Variants in TNKS observed in about 807,000 individuals in gnomAD.
TNKS encodes the protein poly [ADP-ribose] polymerase tankyrase-1.
In TNKS, 72 loss-of-function variants were observed where a neutral mutation model predicts 135.8. The observed-to-expected ratio is 0.53, with a 90% CI of 0.44 to 0.64. The LOEUF is 0.64. Among genes scored for constraint, TNKS ranks in the 30% least tolerant of loss-of-function variants. The probability of loss-of-function intolerance (pLI) is 0.00; values close to 1 mark genes in which losing one functional copy is unlikely to be tolerated. For missense variants in TNKS, 1,769 were observed against 1,674.0 expected (o/e 1.06, Z -0.99); for synonymous variants, 849 against 649.3 (o/e 1.31, Z -4.68).
At chr8:9,586,599 A>T (rs1798385602) in intron 2 of TNKS, among the ~76,000 whole-genome samples, 1 of 152,194 alleles carries the variant, frequency 6.6e-6, no homozygotes, top group African/African-American at 2.4e-5. Context: ...ACTCAGATTC[A>T]TTCAGTCAAA....
intron 2 of TNKS, among the ~76,000 whole-genome samples, chr8:9,581,040 TGAGTG>T (rs1281638203): frequency 1.3e-5 from 2 of 152,202 alleles, no homozygotes; most frequent in Non-Finnish European, 2.9e-5. Flanking sequence ...TAATTTCTCT[TGAGTG>T]TATCATCTGT....
intron 3 of TNKS, among the ~76,000 whole-genome samples, chr8:9,649,434 C>T (rs1478023967): frequency 6.6e-6 from 1 of 152,174 alleles, no homozygotes; most frequent in Non-Finnish European, 1.5e-5. Context: ...AAGTAAGTTA[C>T]ACTGAAGAAG....
intron 3 of TNKS, among the ~76,000 whole-genome samples, chr8:9,657,535 C>T (rs1412695430): frequency 4.3e-5 from 3 of 70,062 alleles, no homozygotes; most frequent in African/African-American, 1.2e-4. Flanking sequence ...CTCCTCACTT[C>T]CCAGTAGGGG....
chr8:9,729,695 T>G (rs1003581351), intron 13 of TNKS, among the ~76,000 whole-genome samples: 1 of 151,862 alleles, frequency 6.6e-6, no homozygotes, highest in African/African-American at 2.4e-5. Flanking sequence ...ATTTATAAAT[T>G]AATCTCCATC....
intron 21 of TNKS, among the ~76,000 whole-genome samples, chr8:9,762,921 G>C (rs962003276): frequency 3.5e-5 from 5 of 144,422 alleles, no homozygotes; most frequent in Non-Finnish European, 7.6e-5. Flanking sequence ...AAAAAAAAAA[G>C]AACAGATAAA....
intron 19 of TNKS, 79 bp from the exon 20 acceptor site, chr8:9,752,465 T>A: frequency 9.9e-7 from 1 of 1,005,656 alleles, no homozygotes. Flanking sequence ...GTTGTCAGAG[T>A]CATGTCTAAA....
chr8:9,721,298 T>TTATATATATATATATATAGA (rs60138689), intron 12 of TNKS, among the ~76,000 whole-genome samples: 1 of 118,154 alleles, frequency 8.5e-6, no homozygotes, highest in African/African-American at 2.9e-5. Flanking sequence ...AATAAATAAA[T>TTATATATATATATATATAGA]TATATATATA....
intron 1 of TNKS, among the ~76,000 whole-genome samples, chr8:9,572,567 A>G (rs1192566161): frequency 6.6e-6 from 1 of 152,198 alleles, no homozygotes; most frequent in Non-Finnish European, 1.5e-5. Context: ...GACTATCACT[A>G]TAGCAGATAC....
chr8:9,748,486 A>C (rs946693242), intron 18 of TNKS, among the ~76,000 whole-genome samples: 2 of 152,174 alleles, frequency 1.3e-5, no homozygotes, highest in African/African-American at 4.8e-5. Context: ...ACCCTCAAAG[A>C]ATTATATTTA....
At position 9,778,937 on chromosome 8, in the gene TNKS, T is replaced by C. The variant is rs759907638; in HGVS notation, c.*2201T>C. On this transcript the variant is annotated 3_prime_UTR_variant, in exon 27 of 27. Transcript: ENST00000310430. Reference sequence around the variant, plus strand: ...GTTTCCATCATACTAACTAGATGAATGGATGCGCCAGTTTTCATCTTGGTC... The same window carrying C: ...GTTTCCATCATACTAACTAGATGAACGGATGCGCCAGTTTTCATCTTGGTC... The C allele has an allele frequency of 4.6e-5, 7 of 152,254 alleles. No individual in the cohort carries two copies. Among genetic ancestry groups the C allele is most frequent in the Non-Finnish European group, 1.0e-4 (7 of 68,050 alleles). 9.4% of individuals were successfully genotyped at this position (152,254 alleles called of 1,614,324 possible).
intron 20 of TNKS, 132 bp downstream of exon 20, chr8:9,752,758 C>G: frequency 1.8e-6 from 1 of 544,502 alleles, no homozygotes; most frequent in Non-Finnish European, 3.1e-6. Flanking sequence ...AGTTTGAGAC[C>G]AGCCTGGGCA....
intron 18 of TNKS, among the ~76,000 whole-genome samples, chr8:9,750,250 G>T (rs1309802508): frequency 1.3e-5 from 2 of 152,200 alleles, no homozygotes; most frequent in Non-Finnish European, 2.9e-5. Context: ...CCTTTGGCCT[G>T]AGGCTGTGCC....
intron 2 of TNKS, among the ~76,000 whole-genome samples, chr8:9,592,365 TTAG>T (rs1417992582): frequency 6.6e-6 from 1 of 152,202 alleles, no homozygotes; most frequent in Non-Finnish European, 1.5e-5. Flanking sequence ...CTTACTGGCT[TTAG>T]TAGAATTCTC....
At chr8:9,745,476 C>A (rs1050269651) in intron 17 of TNKS, among the ~76,000 whole-genome samples, 2 of 152,134 alleles carry the variant, frequency 1.3e-5, no homozygotes, top group Admixed American at 1.3e-4. Flanking sequence ...GCAATCTTGA[C>A]TCACTGCAAT....
intron 2 of TNKS, among the ~76,000 whole-genome samples, chr8:9,607,148 C>A (rs1799257627): frequency 6.6e-6 from 1 of 152,106 alleles, no homozygotes; most frequent in Non-Finnish European, 1.5e-5. Context: ...AAAATTATTT[C>A]ATTTAGCAAA....
At chr8:9,635,030 C>T (rs908496333) in intron 3 of TNKS, among the ~76,000 whole-genome samples, 5 of 152,140 alleles carry the variant, frequency 3.3e-5, no homozygotes, top group East Asian at 1.9e-4. Context: ...ATTAGCCGGG[C>T]GCGGTGGCAG....
At chr8:9,718,419 G>T (rs986867397) in intron 11 of TNKS, among the ~76,000 whole-genome samples, 6 of 152,174 alleles carry the variant, frequency 3.9e-5, no homozygotes, top group African/African-American at 1.2e-4. Flanking sequence ...AGGATTAGCT[G>T]TCTGAGACTA....
At chr8:9,646,258 A>G (rs1219090340) in intron 3 of TNKS, among the ~76,000 whole-genome samples, 2 of 152,076 alleles carry the variant, frequency 1.3e-5, no homozygotes, top group Non-Finnish European at 2.9e-5. Flanking sequence ...GAATATATGA[A>G]TGTTATTTTT....
chr8:9,726,541 C>T (rs1014733803), intron 12 of TNKS, 100 bp from the exon 13 acceptor site: 2 of 800,724 alleles, frequency 2.5e-6, no homozygotes, highest in Middle Eastern at 2.6e-4. Context: ...TCCTGAACTA[C>T]TTTGCAATCC....
Sources: allele counts gnomAD v4.1 joint callset (sites outside exome capture counted in the v4.1 genomes callset), GRCh38; gene constraint gnomAD v4.1.1; transcripts MANE v1.5; gene names NCBI Gene and HGNC (gene_info 2026-07-23, HGNC 2026-07-21).